HRH1: variants seen among roughly 807,000 people sequenced by gnomAD.
HRH1 encodes histamine receptor H1.
Under a neutral mutation model 10.3 loss-of-function variants are expected in HRH1, and 6 were observed. That is an observed-to-expected ratio of 0.58 (90% CI 0.32 to 1.15). The LOEUF is 1.15. Among genes scored for constraint, HRH1 ranks in the 50% most tolerant of loss-of-function variants. HRH1 has a pLI of 0.05. For synonymous variants in HRH1, 242 were observed against 236.7 expected (o/e 1.02, Z -0.21); for missense variants, 514 against 615.3 (o/e 0.84, Z 1.74).
At chr3:11,174,710 T>C (rs1937216663) in intron 1 of HRH1, among the ~76,000 whole-genome samples, 1 of 152,204 alleles carries the variant, frequency 6.6e-6, no homozygotes, top group African/African-American at 2.4e-5. Context: ...GGAAGATAAT[T>C]GTCTCCAGTG....
intron 1 of HRH1, among the ~76,000 whole-genome samples, chr3:11,206,976 C>A (rs955898277): frequency 6.6e-6 from 1 of 151,856 alleles, no homozygotes; most frequent in African/African-American, 2.4e-5. Context: ...GGGGTGGAGT[C>A]AAGGAAGGAG....
In HRH1 at chr3:11,262,549, T is replaced by G. The variant is rs1336705279; in HGVS notation, c.*2048T>G. 6.0e-6 allele frequency: 1 copy of G among 167,120 alleles called. No homozygotes were observed. The highest frequency in any genetic ancestry group is 1.5e-5 in the Non-Finnish European group (1 of 68,130). The allele number at this position is 167,120 out of a possible 1,614,324, so 10.4% of individuals were successfully genotyped here. On this transcript the variant is annotated 3_prime_UTR_variant, in exon 2 of 2. Coordinates refer to ENST00000431010, the MANE Select transcript of HRH1 (RefSeq NM_001098212.2). ...TAATCCCGGTTTCAGAAGCTGCAGC[T>G]GGTCTGTTTCCAGGTCAGAAACCAT...
intron 1 of HRH1, chr3:11,137,468 G>A (rs1306489363): frequency 1.3e-5 from 2 of 152,936 alleles, no homozygotes; most frequent in African/African-American, 4.8e-5. Flanking sequence ...ACGGGCTCTG[G>A]GGGCTGATTA....
At chr3:11,154,492 G>GGC (rs35050788), upstream of HRH1, 149,404 of 149,412 alleles carry the variant, frequency 1, 74,698 homozygotes, top group Middle Eastern at 1. This position sits in a 1 kb window ranked among gnomAD's most constrained non-coding sequence, Gnocchi z 4.4. Flanking sequence ...CCGCCCCCGC[G>GGC]ACACCCAGCA....
intron 1 of HRH1, among the ~76,000 whole-genome samples, chr3:11,170,845 G>A (rs913363887): frequency 2.0e-5 from 3 of 152,194 alleles, no homozygotes; most frequent in Non-Finnish European, 4.4e-5. Flanking sequence ...TAGCTGAGAC[G>A]AGTACAGTGG....
At chr3:11,177,891 C>T (rs1937276976) in intron 1 of HRH1, among the ~76,000 whole-genome samples, 2 of 152,210 alleles carry the variant, frequency 1.3e-5, no homozygotes, top group South Asian at 2.1e-4. Flanking sequence ...TCTCACTTGG[C>T]ACAAAGGCAG....
intron 1 of HRH1, among the ~76,000 whole-genome samples, chr3:11,256,352 G>A (rs1939782110): frequency 6.6e-6 from 1 of 152,176 alleles, no homozygotes; most frequent in South Asian, 2.1e-4. Context: ...AGAAGATGGA[G>A]GCCAAGAGAT....
Position 11,259,167 on chromosome 3 carries a change from C to G in HRH1, c.130C>G (p.Leu44Val), listed in dbSNP as rs1183740056. 6.2e-7 allele frequency: 1 copy of G among 1,613,922 alleles called. No homozygotes were observed. Among genetic ancestry groups the G allele is most frequent in the Admixed American group, 1.7e-5 (1 of 59,986 alleles). ...LSTICLVTVGLNLLVLYAVRS... is the reference protein window; with the variant it reads ...LSTICLVTVGVNLLVLYAVRS... ...CACTATCTGCTTGGTCACAGTAGGG[C>G]TCAACCTGCTGGTGCTGTATGCCGT... The change falls in exon 2 of 2, where the codon CTC becomes GTC. Residue 44 changes from leucine (L) to valine (V), a missense_variant. By Grantham distance (32) the Leu-to-Val change is conservative. Transcript: ENST00000431010. The surrounding 1 kb of genome is among the most constrained non-coding windows in gnomAD (Gnocchi z 4.6).
chr3:11,259,182 C>T lies in HRH1; in HGVS notation c.145C>T (p.Leu49=). 6.2e-7 allele frequency: 1 copy of T among 1,613,812 alleles called. No homozygotes were observed. The highest frequency in any genetic ancestry group is 8.5e-7 in the Non-Finnish European group (1 of 1,180,000). ...LVTVGLNLLV[L]YAVRSERKLH... is the part of the protein sequence containing the mutation. Reference sequence around the variant, plus strand: ...CACAGTAGGGCTCAACCTGCTGGTGCTGTATGCCGTACGGAGTGAGCGGAA... The same window carrying T: ...CACAGTAGGGCTCAACCTGCTGGTGTTGTATGCCGTACGGAGTGAGCGGAA... The change falls in exon 2 of 2, where the codon CTG becomes TTG. Residue 49 remains leucine (L), a synonymous_variant. Coordinates refer to ENST00000431010, the MANE Select transcript of HRH1 (RefSeq NM_001098212.2). This position sits in a 1 kb window ranked among gnomAD's most constrained non-coding sequence, Gnocchi z 4.6.
At position 11,249,346 on chromosome 3, in the gene HRH1, T is replaced by A. The variant is rs1183389555; in HGVS notation, c.-35-9657T>A. On this transcript the variant is annotated intron_variant, in intron 1 of 1. Transcript: ENST00000431010. ...TGAACTCGGGAGGCAGAGCTTGCAG[T>A]GAGCCGAGATCGCGCCACTGCACTC... Among the ~76,000 whole-genome samples, 3 of 138,274 alleles carry A rather than the reference T, an allele frequency of 2.2e-5. 1 individual carries two copies. The East Asian group carries it at 6.3e-4, about 29-fold the overall frequency. The allele number at this position is 138,274 out of a possible 152,430, so 90.7% of individuals were successfully genotyped here. A position where few individuals can be genotyped will look rare whatever the true frequency, so the allele number is the denominator to read the frequency against.
intron 1 of HRH1, among the ~76,000 whole-genome samples, chr3:11,219,316 A>G (rs2125038872): frequency 6.6e-6 from 1 of 152,334 alleles, no homozygotes; most frequent in Non-Finnish European, 1.5e-5. Context: ...GATGGTGGCG[A>G]TGAGTTCATG....
chr3:11,234,410 A>C (rs1182092155), intron 1 of HRH1: 2 of 1,605,164 alleles, frequency 1.2e-6, no homozygotes, highest in African/African-American at 1.3e-5. Context: ...CATGGCCCGG[A>C]ACCGGTCTAC....
exon 1 of HRH1, chr3:11,137,329 AC>A (rs1252718055): frequency 6.6e-6 from 1 of 152,306 alleles, no homozygotes; most frequent in Non-Finnish European, 1.5e-5. Flanking sequence ...CTGCTCGTGC[AC>A]TGATGGAGAA....
intron 1 of HRH1, among the ~76,000 whole-genome samples, chr3:11,240,355 C>G (rs1045237692): frequency 1.3e-5 from 2 of 152,048 alleles, no homozygotes; most frequent in African/African-American, 4.8e-5. Flanking sequence ...CATGTAAAAA[C>G]TCCAGATTTT....
At chr3:11,177,093 C>CAA (rs373557001) in intron 1 of HRH1, among the ~76,000 whole-genome samples, 6 of 130,724 alleles carry the variant, frequency 4.6e-5, no homozygotes, top group Non-Finnish European at 6.6e-5. Flanking sequence ...ACTCTTGTCT[C>CAA]AAAAAAAAAA....
intron 1 of HRH1, among the ~76,000 whole-genome samples, chr3:11,183,159 G>A (rs1937389143): frequency 6.6e-6 from 1 of 152,120 alleles, no homozygotes; most frequent in African/African-American, 2.4e-5. Context: ...TTTTAAAGTG[G>A]TGGCCTGAGG....
chr3:11,184,788 G>A (rs577741496), intron 1 of HRH1, among the ~76,000 whole-genome samples: 1 of 151,990 alleles, frequency 6.6e-6, no homozygotes, highest in South Asian at 2.1e-4. Flanking sequence ...GTGGTGGTGG[G>A]CACCTGTAGT....
chr3:11,230,128 G>A (rs563469612), intron 1 of HRH1, among the ~76,000 whole-genome samples: 2 of 152,186 alleles, frequency 1.3e-5, no homozygotes, highest in African/African-American at 2.4e-5. Flanking sequence ...TGACGGACAG[G>A]AGACACCAGA....
At chr3:11,146,067 C>T (rs1032037158) in intron 1 of HRH1, among the ~76,000 whole-genome samples, 3 of 152,100 alleles carry the variant, frequency 2.0e-5, no homozygotes, top group African/African-American at 4.8e-5. Flanking sequence ...CTCTTGGAGA[C>T]GTGACTCAGA....
Sources: allele counts gnomAD v4.1 joint callset (sites outside exome capture counted in the v4.1 genomes callset), GRCh38; gene constraint gnomAD v4.1.1; non-coding constraint Gnocchi (gnomAD v3.1); transcripts MANE v1.5; gene names NCBI Gene and HGNC (gene_info 2026-07-23, HGNC 2026-07-21).